The following NFE2L1 variants were observed in gnomAD, a reference collection of about 807,000 sequenced individuals.
The protein encoded by NFE2L1 is NFE2 like bZIP transcription factor 1.
Under a neutral mutation model 61.6 loss-of-function variants are expected in NFE2L1, and 18 were observed. The observed-to-expected ratio is 0.29, with a 90% CI of 0.20 to 0.43. NFE2L1 has a LOEUF of 0.43. Among genes scored for constraint, NFE2L1 ranks in the 20% least tolerant of loss-of-function variants. The pLI is 1.00. For synonymous variants in NFE2L1, 419 were observed against 402.7 expected, an observed-to-expected ratio of 1.04 and a Z score of -0.48; for missense variants, 827 against 973.5, an observed-to-expected ratio of 0.85 and a Z score of 2.00.
chr17:48,061,511 T>G lies in NFE2L1; in HGVS notation c.*1870T>G, dbSNP rs2037547307. The G allele has an allele frequency of 6.6e-6, 1 of 152,192 alleles. No individual in the cohort carries two copies. Among genetic ancestry groups the G allele is most frequent in the African/African-American group, 2.4e-5 (1 of 41,440 alleles). The allele number at this position is 152,192 out of a possible 1,614,324, so 9.4% of individuals were successfully genotyped here. A position where few individuals can be genotyped will look rare whatever the true frequency, so the allele number is the denominator to read the frequency against. On this transcript the variant is annotated 3_prime_UTR_variant, in exon 6 of 6. Transcript: ENST00000362042. ...AAGTGCACTTTTTCCCCACTTTGAA[T>G]TTAAATTGAGAATAAAGGAAATGGA...
chr17:48,055,577 T>G (rs1023863548), intron 2 of NFE2L1, among the ~76,000 whole-genome samples: 1 of 150,158 alleles, frequency 6.7e-6, no homozygotes, highest in Non-Finnish European at 1.5e-5. Flanking sequence ...TCCTGGGGTA[T>G]GGTGAGGGAA....
chr17:48,050,429 A>C (rs2037220449), intron 1 of NFE2L1, among the ~76,000 whole-genome samples, 178 bp from the exon 2 acceptor site: 2 of 152,108 alleles, frequency 1.3e-5, no homozygotes, highest in Non-Finnish European at 2.9e-5. Context: ...CAGTGAGCAC[A>C]GATCACGCCA....
At chr17:48,051,879 C>T (rs530209064) in intron 2 of NFE2L1, among the ~76,000 whole-genome samples, 1 of 152,074 alleles carries the variant, frequency 6.6e-6, no homozygotes, top group Admixed American at 6.5e-5. Context: ...CTACACATGC[C>T]AGGGTGTTTA....
intron 2 of NFE2L1, among the ~76,000 whole-genome samples, chr17:48,052,902 G>T (rs2037290423): frequency 6.6e-6 from 1 of 152,184 alleles, no homozygotes; most frequent in Non-Finnish European, 1.5e-5. Context: ...GTGCTCAAAT[G>T]GCTCATACTG....
rs930804778 is a variant in NFE2L1 at position 48,057,202 on chromosome 17, G to T, written c.813+81G>T. 2.5e-6 allele frequency: 4 copies of T among 1,588,994 alleles called. No individual in the cohort carries two copies. In the African/African-American group the frequency reaches 5.4e-5, roughly 22 times the overall value. ...GTGTCCCTCCATGGCTGAGGGGCCA[G>T]CTGTTGGTTCTGGCCTTATTCTGGC... On this transcript the variant is annotated intron_variant, in intron 4 of 5. Coordinates refer to ENST00000362042, the MANE Select transcript of NFE2L1 (RefSeq NM_003204.3).
At position 48,057,075 on chromosome 17, in the gene NFE2L1, G is replaced by T. The variant is rs764043045; in HGVS notation, c.767G>T (p.Cys256Phe). Residue 256 changes from cysteine to phenylalanine, a missense_variant, in exon 4 of 6, where the codon TGC (cysteine) becomes TTC (phenylalanine). Physicochemically the swap from Cys to Phe is radical, Grantham distance 205. Around this residue, in one of 3 missense-constraint regions of NFE2L1, gnomAD observed 667 missense variants for 748.4 expected, o/e 0.89. Coordinates refer to ENST00000362042, the MANE Select transcript of NFE2L1 (RefSeq NM_003204.3). ...CAGACGGCCCTGTCCCTGGAAGAGTGCCTTAGGCTGCTGGAAGCCACCTGC... is the reference window on the plus strand; with the variant it reads ...CAGACGGCCCTGTCCCTGGAAGAGTTCCTTAGGCTGCTGGAAGCCACCTGC... The part of the protein sequence containing the change: ...EDQTALSLEE[C>F]LRLLEATCPF... The T allele has an allele frequency of 5.9e-5, 95 of 1,613,410 alleles. No homozygotes were observed. Among genetic ancestry groups the T allele is most frequent in the Non-Finnish European group, 7.5e-5 (88 of 1,179,876 alleles).
Position 48,058,936 on chromosome 17 carries a change from C to G in NFE2L1, c.1614C>G (p.Ala538=). Residue 538 remains alanine (A), a synonymous_variant, in exon 6 of 6, where the codon GCC becomes GCG. Coordinates refer to ENST00000362042, the MANE Select transcript of NFE2L1 (RefSeq NM_003204.3). ...SDSETLDLEE[A]EGAVGYQPEY... ...CTGAGACCCTGGATCTGGAAGAGGCCGAGGGTGCTGTGGGCTACCAGCCTG... is the reference window on the plus strand; with the variant it reads ...CTGAGACCCTGGATCTGGAAGAGGCGGAGGGTGCTGTGGGCTACCAGCCTG... 1.2e-6 allele frequency: 2 copies of G among 1,613,900 alleles called. No homozygotes were observed. The highest frequency in any genetic ancestry group is 1.7e-6 in the Non-Finnish European group (2 of 1,180,028).
In NFE2L1 at chr17:48,058,427, G is replaced by A; in HGVS notation, c.1105G>A (p.Gly369Arg). Residue 369 changes from glycine (G) to arginine (R), a missense_variant, in exon 6 of 6, where the codon GGG becomes AGG. Around this residue, in one of 3 missense-constraint regions of NFE2L1, gnomAD observed 667 missense variants for 748.4 expected, o/e 0.89. Transcript: ENST00000362042. The part of the protein sequence containing the change: ...QNVSLHQASL[G>R]GCSQDFLLFS... ...TGTCAGCCTGCATCAGGCGTCCCTG[G>A]GGGGCTGCAGCCAGGACTTCTTACT... The A allele has an allele frequency of 1.2e-6, 2 of 1,614,124 alleles. No homozygotes were observed. Among genetic ancestry groups the A allele is most frequent in the Non-Finnish European group, 1.7e-6 (2 of 1,180,016 alleles).
chr17:48,059,138 T>A lies in NFE2L1; in HGVS notation c.1816T>A (p.Phe606Ile). 3.1e-6 allele frequency: 5 copies of A among 1,613,854 alleles called. No homozygotes were observed. The highest frequency in any genetic ancestry group is 4.2e-6 in the Non-Finnish European group (5 of 1,180,000). The change falls in exon 6 of 6, where the codon TTC becomes ATC. Residue 606 changes from phenylalanine (F) to isoleucine (I), a missense_variant. This residue lies in a region of NFE2L1 where 667 missense variants were observed against 748.4 expected (regional missense o/e 0.89). Coordinates refer to ENST00000362042, the MANE Select transcript of NFE2L1 (RefSeq NM_003204.3). This position sits in a 1 kb window ranked among gnomAD's most constrained non-coding sequence, Gnocchi z 6.1. ...AGGCAGCAAGGAGAAGCAGGCTGACTTCCTGGACAAGCAGATGAGCCGGGA... is the reference window on the plus strand; with the variant it reads ...AGGCAGCAAGGAGAAGCAGGCTGACATCCTGGACAAGCAGATGAGCCGGGA... ...KKGSKEKQAD[F>I]LDKQMSRDEH...
chr17:48,054,649 T>C (rs1488789615), intron 2 of NFE2L1: 2 of 205,586 alleles, frequency 9.7e-6, no homozygotes, highest in Non-Finnish European at 1.1e-5. Context: ...GTAACAAGTT[T>C]GGGGGGCGTG....
At chr17:48,055,094 G>A in intron 2 of NFE2L1, 1 of 1,457,344 alleles carries the variant, frequency 6.9e-7, no homozygotes, top group Non-Finnish European at 9.0e-7. Context: ...CTCTTTGCTG[G>A]CTGGTCACCG....
intron 2 of NFE2L1, among the ~76,000 whole-genome samples, chr17:48,052,380 A>G (rs978098056): frequency 1.4e-4 from 22 of 152,130 alleles, no homozygotes; most frequent in African/African-American, 4.6e-4. Flanking sequence ...CCTCACCAAC[A>G]TAAGATTGCT....
At chr17:48,054,978 G>T in intron 2 of NFE2L1, 1 of 1,486,726 alleles carries the variant, frequency 6.7e-7, no homozygotes, top group Non-Finnish European at 8.9e-7. Context: ...CCCCTGTCCG[G>T]CTTCCCGGCA....
chr17:48,056,472 G>T lies in NFE2L1; in HGVS notation c.597G>T (p.Lys199Asn). Reference protein sequence around the residue: ...REVFDYSHRQKEQDVEKELRD... With the variant: ...REVFDYSHRQNEQDVEKELRD... ...TTTTTGACTATAGTCACCGCCAGAA[G>T]GAGCAGGATGTGGAGAAGGAGCTGC... The change falls in exon 3 of 6, where the codon AAG (lysine) becomes AAT (asparagine). Residue 199 changes from lysine to asparagine, a missense_variant. This residue lies in a region of NFE2L1 where 667 missense variants were observed against 748.4 expected (regional missense o/e 0.89). Coordinates refer to ENST00000362042, the MANE Select transcript of NFE2L1 (RefSeq NM_003204.3). 1 of 1,614,228 alleles carries T rather than the reference G, an allele frequency of 6.2e-7. No individual in the cohort carries two copies. The highest frequency in any genetic ancestry group is 8.5e-7 in the Non-Finnish European group (1 of 1,180,036).
rs1428519789 is a variant in NFE2L1, at chr17:48,051,045, C to G, written c.-74C>G. The G allele has an allele frequency of 6.3e-7, 1 of 1,584,742 alleles. No individual in the cohort carries two copies. Among genetic ancestry groups the G allele is most frequent in the Non-Finnish European group, 8.6e-7 (1 of 1,159,588 alleles). On this transcript the variant is annotated 5_prime_UTR_variant, in exon 2 of 6. Transcript: ENST00000362042. ...GAGGGTAACCTGCTGGCTGGAGCGGCAGAGCAGTGGCCTTGATTTGTCTTT... is the reference window on the plus strand; with the variant it reads ...GAGGGTAACCTGCTGGCTGGAGCGGGAGAGCAGTGGCCTTGATTTGTCTTT...
At chr17:48,056,301 G>T in intron 2 of NFE2L1, 85 bp from the exon 3 acceptor site, 1 of 1,520,044 alleles carries the variant, frequency 6.6e-7, no homozygotes, top group South Asian at 1.2e-5. Flanking sequence ...ACTAACTGGG[G>T]TGACACTAGG....
At chr17:48,050,097 A>G (rs922681091) in intron 1 of NFE2L1, among the ~76,000 whole-genome samples, 3 of 152,260 alleles carry the variant, frequency 2.0e-5, no homozygotes, top group Non-Finnish European at 4.4e-5. Flanking sequence ...ATTCGTGATC[A>G]GTAGCTTTCT....
At chr17:48,054,032 G>T (rs3794769) in intron 2 of NFE2L1, among the ~76,000 whole-genome samples, 1 of 152,076 alleles carries the variant, frequency 6.6e-6, no homozygotes, top group Admixed American at 6.5e-5. Flanking sequence ...CAAAACTTAC[G>T]GCTTATGGTG....
rs76434554 is a variant in NFE2L1, at chr17:48,058,283, C to T, written c.973-12C>T. On this transcript the variant is annotated splice_polypyrimidine_tract_variant and intron_variant, in intron 5 of 5. Coordinates refer to ENST00000362042, the MANE Select transcript of NFE2L1 (RefSeq NM_003204.3). ...GTTCCTAGTGAACAGTGGTGCTCTT[C>T]TCCCCTCCCAGGCCATGGAAGTGAA... 8,024 of 1,550,604 alleles carry T rather than the reference C, an allele frequency of 5.2e-3. 295 individuals carry two copies. In the African/African-American group the frequency reaches 0.087, roughly 17 times the overall value.
Sources: allele counts gnomAD v4.1 joint callset (sites outside exome capture counted in the v4.1 genomes callset), GRCh38; gene constraint gnomAD v4.1.1; regional missense constraint gnomAD v4.1.1; non-coding constraint Gnocchi (gnomAD v3.1); transcripts MANE v1.5; gene names NCBI Gene and HGNC (gene_info 2026-07-23, HGNC 2026-07-21).